Variants in PLEK2 observed in about 807,000 individuals in gnomAD.
The protein encoded by PLEK2 is pleckstrin 2, also known as pleckstrin-2.
A neutral mutation model predicts 43.8 loss-of-function variants in PLEK2; 29 were observed. That is an observed-to-expected ratio of 0.66 (90% CI 0.49 to 0.90). The LOEUF is 0.90. PLEK2 is among the 40% of genes least tolerant of loss of function. PLEK2 has a pLI of 0.00. For missense variants in PLEK2, 398 were observed against 448.1 expected (o/e 0.89, Z 1.01); for synonymous variants, 162 against 173.2 (o/e 0.94, Z 0.51).
chr14:67,394,153 C>A (rs1449044236), intron 3 of PLEK2, among the ~76,000 whole-genome samples: 2 of 152,160 alleles, frequency 1.3e-5, no homozygotes, highest in Non-Finnish European at 2.9e-5. Context: ...CTTTTCTTCT[C>A]CTTATCTAAA....
At position 67,393,133 on chromosome 14, in the gene PLEK2, C is replaced by G; in HGVS notation, c.481+17G>C. 6.3e-7 allele frequency: 1 copy of G among 1,589,202 alleles called. No individual in the cohort carries two copies. The highest frequency in any genetic ancestry group is 1.3e-5 in the African/African-American group (1 of 74,544). On this transcript the variant is annotated intron_variant, in intron 4 of 8. Transcript: ENST00000216446. ...CCCAGCTTGACTGCCCAGCCCGGCC[C>G]TGGGGGACAGGCTCACCGAGGAAGG...
At chr14:67,404,523 T>C (rs1181380286) in intron 1 of PLEK2, among the ~76,000 whole-genome samples, 1 of 152,058 alleles carries the variant, frequency 6.6e-6, no homozygotes, top group East Asian at 1.9e-4. Context: ...ATATTTAAAA[T>C]TTCGAGTTGG....
chr14:67,392,661 C>A lies in PLEK2; in HGVS notation c.669+1G>T. On this transcript the variant is annotated splice_donor_variant, in intron 5 of 8. Coordinates refer to ENST00000216446, the MANE Select transcript of PLEK2 (RefSeq NM_016445.3). LOFTEE classifies it high-confidence loss of function. ...CAAGAAGAACCCACTCCCCAACTTA[C>A]AAAAGTGTACAGGGCTGTGGAGTCA... The A allele has an allele frequency of 6.2e-7, 1 of 1,608,322 alleles. No individual in the cohort carries two copies. The highest frequency in any genetic ancestry group is 8.5e-7 in the Non-Finnish European group (1 of 1,176,182).
chr14:67,395,340 C>T, intron 3 of PLEK2, 62 bp downstream of exon 3: 1 of 1,462,490 alleles, frequency 6.8e-7, no homozygotes. Flanking sequence ...GGGGCAGGGT[C>T]CCCTGCCCAC....
intron 8 of PLEK2, 106 bp from the exon 9 acceptor site, chr14:67,387,562 A>T: frequency 8.8e-7 from 1 of 1,133,898 alleles, no homozygotes; most frequent in South Asian, 1.4e-5. Flanking sequence ...ACATACAATG[A>T]TGTATTTATT....
At chr14:67,404,946 A>G (rs1412469283) in intron 1 of PLEK2, among the ~76,000 whole-genome samples, 1 of 152,068 alleles carries the variant, frequency 6.6e-6, no homozygotes, top group Non-Finnish European at 1.5e-5. Flanking sequence ...GAGTAATAAG[A>G]ATGGTGGCCA....
In PLEK2 at chr14:67,397,811, T is replaced by A. The variant is rs202224196; in HGVS notation, c.58A>T (p.Asn20Tyr). ...FLVKRGHIVH[N>Y]WKARWFILRQ... ...AGGATGAACCATCGCGCCTTCCAGTTGTGGACAATGTGGCCCTATGGACAG... is the reference window on the plus strand; with the variant it reads ...AGGATGAACCATCGCGCCTTCCAGTAGTGGACAATGTGGCCCTATGGACAG... The change falls in exon 2 of 9, where the codon AAC (asparagine) becomes TAC (tyrosine). Residue 20 changes from asparagine (N) to tyrosine (Y), a missense_variant. By Grantham distance (143) the Asn-to-Tyr change is moderately radical. Coordinates refer to ENST00000216446, the MANE Select transcript of PLEK2 (RefSeq NM_016445.3). 3.0e-5 allele frequency: 48 copies of A among 1,611,066 alleles called. 1 individual carries two copies. The East Asian group carries it at 1.1e-3, about 36-fold the overall frequency.
chr14:67,411,530 C>T (rs1262349288), intron 1 of PLEK2, among the ~76,000 whole-genome samples: 7 of 152,112 alleles, frequency 4.6e-5, no homozygotes, highest in Non-Finnish European at 1.0e-4. Flanking sequence ...AGCAAGTTCC[C>T]TAACTCCTCT....
At chr14:67,410,457 C>T (rs2086109384) in intron 1 of PLEK2, among the ~76,000 whole-genome samples, 1 of 151,726 alleles carries the variant, frequency 6.6e-6, no homozygotes. Context: ...GTCTGAGGTG[C>T]AGCCACCTCC....
intron 1 of PLEK2, among the ~76,000 whole-genome samples, chr14:67,409,834 C>G (rs1376739974): frequency 6.6e-6 from 1 of 152,198 alleles, no homozygotes; most frequent in Non-Finnish European, 1.5e-5. Flanking sequence ...TGCAACTTCT[C>G]CAGTGGACAT....
chr14:67,409,938 G>A (rs940064617), intron 1 of PLEK2, among the ~76,000 whole-genome samples: 4 of 152,204 alleles, frequency 2.6e-5, no homozygotes, highest in South Asian at 4.2e-4. Flanking sequence ...AGGGTTCTGG[G>A]GCCCTATCCT....
At chr14:67,406,681 G>A (rs1482283199) in intron 1 of PLEK2, among the ~76,000 whole-genome samples, 2 of 152,196 alleles carry the variant, frequency 1.3e-5, no homozygotes, top group African/African-American at 4.8e-5. Context: ...AATAGCCAAA[G>A]GAAGCAGGTG....
intron 1 of PLEK2, among the ~76,000 whole-genome samples, chr14:67,411,488 T>G (rs1436978226): frequency 6.6e-6 from 1 of 152,164 alleles, no homozygotes; most frequent in African/African-American, 2.4e-5. Context: ...ATCCCGATCC[T>G]GGCTCCACCA....
intron 1 of PLEK2, among the ~76,000 whole-genome samples, chr14:67,410,668 G>A (rs1382328986): frequency 6.6e-6 from 1 of 152,182 alleles, no homozygotes; most frequent in Non-Finnish European, 1.5e-5. Context: ...GAAAATGAAA[G>A]TGATGTGAGA....
At chr14:67,396,126 C>G (rs1387295788) in intron 2 of PLEK2, among the ~76,000 whole-genome samples, 1 of 151,932 alleles carries the variant, frequency 6.6e-6, no homozygotes, top group Non-Finnish European at 1.5e-5. Flanking sequence ...ATCCAGGTCG[C>G]TTTGTTTTTT....
chr14:67,390,787 G>A (rs917772439), intron 6 of PLEK2, 41 bp from the exon 7 acceptor site: 4 of 1,330,260 alleles, frequency 3.0e-6, no homozygotes, highest in Non-Finnish European at 4.3e-6. Flanking sequence ...GGTGACAGCT[G>A]CATGTCCCTC....
intron 1 of PLEK2, among the ~76,000 whole-genome samples, chr14:67,399,993 A>T (rs944435110): frequency 2.0e-5 from 3 of 152,154 alleles, no homozygotes; most frequent in Non-Finnish European, 4.4e-5. Flanking sequence ...CGTTGCCCCA[A>T]CTCACTCATT....
At chr14:67,403,145 T>G (rs530559625) in intron 1 of PLEK2, among the ~76,000 whole-genome samples, 12 of 152,358 alleles carry the variant, frequency 7.9e-5, no homozygotes, top group African/African-American at 2.9e-4. Context: ...CCCATTGTAG[T>G]TTTGATTTGC....
At chr14:67,397,156 G>C (rs6573770) in intron 2 of PLEK2, among the ~76,000 whole-genome samples, 45,777 of 151,918 alleles carry the variant, frequency 0.3, 10,963 homozygotes, top group African/African-American at 0.63. Flanking sequence ...CCAGGCTGGT[G>C]TCAAACTCCT....
Sources: gnomAD v4.1 joint callset for allele counts (sites outside exome capture counted in the v4.1 genomes callset) on GRCh38, gnomAD v4.1.1 for gene constraint, MANE v1.5 for transcripts, NCBI Gene and HGNC (gene_info 2026-07-23, HGNC 2026-07-21) for gene names.